BLNK: variants seen among roughly 807,000 people sequenced by gnomAD.
BLNK encodes the protein B-cell linker protein.
In BLNK, 29 loss-of-function variants were observed where a neutral mutation model predicts 73.5. That is an observed-to-expected ratio of 0.39 (90% CI 0.29 to 0.54). The LOEUF is 0.54. Ranked by LOEUF, BLNK falls within the 20% of genes least tolerant of loss-of-function variation. The pLI is 0.61. For missense variants in BLNK, 460 were observed against 562.8 expected (o/e 0.82, Z 1.85); for synonymous variants, 176 against 200.8 (o/e 0.88, Z 1.04).
intron 3 of BLNK, among the ~76,000 whole-genome samples, chr10:96,239,496 T>C (rs1842814821): frequency 1.3e-5 from 2 of 152,190 alleles, no homozygotes; most frequent in Admixed American, 1.3e-4. Flanking sequence ...TTAAAGAGAA[T>C]TTTATTTCAG....
chr10:96,253,896 C>CT (rs1843396142), intron 1 of BLNK, among the ~76,000 whole-genome samples: 1 of 152,128 alleles, frequency 6.6e-6, no homozygotes, highest in South Asian at 2.1e-4. Context: ...TGGCGGGCGC[C>CT]TGTAGTCCCA....
At chr10:96,226,626 A>G (rs1453981036) in intron 5 of BLNK, among the ~76,000 whole-genome samples, 1 of 152,104 alleles carries the variant, frequency 6.6e-6, no homozygotes, top group Non-Finnish European at 1.5e-5. Flanking sequence ...GTATCACTTG[A>G]GGTCAGGAGT....
Position 96,201,740 on chromosome 10 carries a change from ATTCATT to A in BLNK, c.935-688_935-683del, listed in dbSNP as rs1564814959. 2.7e-3 allele frequency among the ~76,000 whole-genome samples: 407 copies of A among 148,180 alleles called. 2 individuals are homozygous for A. Among genetic ancestry groups the A allele is most frequent in the African/African-American group, 8.6e-3 (328 of 38,316 alleles). The stretch of plus-strand genomic sequence containing the variant: ...TGAAATACGAAAAAGACTTATCTGC[ATTCATT>A]CATTCATTCATTCATTCATTCATTC... On this transcript the variant is annotated intron_variant, in intron 13 of 16. Transcript: ENST00000224337.
chr10:96,226,329 C>G (rs1842257194), intron 5 of BLNK, among the ~76,000 whole-genome samples: 1 of 152,164 alleles, frequency 6.6e-6, no homozygotes, highest in Admixed American at 6.5e-5. Flanking sequence ...CTGTGGCAAC[C>G]CAGTAAGCCC....
chr10:96,224,297 C>G (rs1427044697), intron 5 of BLNK, among the ~76,000 whole-genome samples: 1 of 152,210 alleles, frequency 6.6e-6, no homozygotes, highest in Non-Finnish European at 1.5e-5. Flanking sequence ...GGAAGCAGCA[C>G]TGGAGGGCAC....
chr10:96,226,473 A>G (rs1842266370), intron 5 of BLNK, among the ~76,000 whole-genome samples: 1 of 152,198 alleles, frequency 6.6e-6, no homozygotes, highest in Admixed American at 6.5e-5. Flanking sequence ...CATGACCATC[A>G]CAGACATACT....
chr10:96,229,730 G>A (rs1400651320), intron 4 of BLNK, among the ~76,000 whole-genome samples: 1 of 151,856 alleles, frequency 6.6e-6, no homozygotes, highest in Non-Finnish European at 1.5e-5. Context: ...GGGCGCAGCT[G>A]CAGTGCATCT....
rs1460144609 is a variant in BLNK at position 96,206,913 on chromosome 10, C to T, written c.817+98G>A. 2.3e-6 allele frequency: 3 copies of T among 1,316,706 alleles called. No homozygotes were observed. In the African/African-American group the frequency reaches 4.4e-5, roughly 19 times the overall value. The allele number at this position is 1,316,706 out of a possible 1,614,324, so 81.6% of individuals were successfully genotyped here. ...TTTAGAAAATTGAGTTTCATGTTTA[C>T]AATTGCCCCAAAAATAATGTAATAA... On this transcript the variant is annotated intron_variant, in intron 11 of 16. Transcript: ENST00000224337.
chr10:96,216,479 G>A (rs2084068363), intron 7 of BLNK, 174 bp downstream of exon 7: 3 of 665,470 alleles, frequency 4.5e-6, no homozygotes, highest in Non-Finnish European at 8.2e-6. Flanking sequence ...ACACAGAGAT[G>A]GGTTGTCACT....
In BLNK at chr10:96,247,013, A is replaced by T; in HGVS notation, c.84T>A (p.Asn28Lys). Residue 28 changes from asparagine to lysine, a missense_variant, in exon 2 of 17, where the codon AAT becomes AAA. Asn to Lys is a moderately conservative substitution (Grantham distance 94, BLOSUM62 0). This residue lies in a region of BLNK where 139 missense variants were observed against 187.3 expected (regional missense o/e 0.74). Transcript: ENST00000224337. ...LQKMVHDIKNNEGGIMNKIKK... is the reference protein window; with the variant it reads ...LQKMVHDIKNKEGGIMNKIKK... ...TGATTTTATTCATTATTCCACCTTC[A>T]TTGTTTTTAATATCATGGACCATCT... 6.2e-7 allele frequency: 1 copy of T among 1,608,018 alleles called. No individual in the cohort carries two copies. The highest frequency in any genetic ancestry group is 8.5e-7 in the Non-Finnish European group (1 of 1,176,392).
chr10:96,225,846 T>C (rs963829507), intron 5 of BLNK, among the ~76,000 whole-genome samples: 4 of 152,132 alleles, frequency 2.6e-5, no homozygotes, highest in African/African-American at 9.7e-5. Context: ...GGTTCTGCCA[T>C]GTTGGCCAGG....
intron 1 of BLNK, among the ~76,000 whole-genome samples, chr10:96,269,987 C>G (rs1293457134): frequency 6.6e-6 from 1 of 152,184 alleles, no homozygotes; most frequent in Non-Finnish European, 1.5e-5. Flanking sequence ...TATGAAACCT[C>G]CTCCTGCTAC....
chr10:96,222,536 G>A (rs1477828180), intron 6 of BLNK, among the ~76,000 whole-genome samples: 2 of 152,164 alleles, frequency 1.3e-5, no homozygotes, highest in African/African-American at 2.4e-5. Context: ...ACAACACAAA[G>A]GGCTAGGTGC....
At chr10:96,259,927 A>T (rs1843682402) in intron 1 of BLNK, among the ~76,000 whole-genome samples, 1 of 152,050 alleles carries the variant, frequency 6.6e-6, no homozygotes, top group South Asian at 2.1e-4. Flanking sequence ...GATGGCAAGG[A>T]AATGATGCTA....
intron 16 of BLNK, 53 bp downstream of exon 16, chr10:96,196,855 T>C (rs2083479957): frequency 1.3e-6 from 2 of 1,551,164 alleles, no homozygotes; most frequent in Admixed American, 3.3e-5. Flanking sequence ...GTATTTGATG[T>C]CATTATACTC....
At chr10:96,243,761 T>C (rs1308237289) in intron 2 of BLNK, among the ~76,000 whole-genome samples, 6 of 152,232 alleles carry the variant, frequency 3.9e-5, no homozygotes, top group Admixed American at 6.5e-5. Flanking sequence ...TTTAGAAAAC[T>C]ATTCCAAGTT....
chr10:96,203,909 C>A, intron 13 of BLNK, 148 bp downstream of exon 13: 1 of 574,780 alleles, frequency 1.7e-6, no homozygotes. Flanking sequence ...ATTCTTGGCC[C>A]CATTTTACAG....
Position 96,204,532 on chromosome 10 carries a change from T to C in BLNK, c.902A>G (p.Lys301Arg). The change falls in exon 12 of 17, where the codon AAA (lysine) becomes AGA (arginine). Residue 301 changes from lysine to arginine, a missense_variant and splice_region_variant. Lys to Arg is a conservative substitution (Grantham distance 26). Transcript: ENST00000224337. Reference protein sequence around the residue: ...VQSPVFPPAQKQIHQKPIPLP... With the variant: ...VQSPVFPPAQRQIHQKPIPLP... The stretch of plus-strand genomic sequence containing the variant: ...GATCTTTAAAGGAAAGGATTCTTAC[T>C]TCTGGGCAGGAGGAAACACTGGTGA... 6.2e-7 allele frequency: 1 copy of C among 1,613,976 alleles called. No individual in the cohort carries two copies. Among genetic ancestry groups the C allele is most frequent in the Non-Finnish European group, 8.5e-7 (1 of 1,179,842 alleles).
chr10:96,227,637 G>C lies in BLNK; in HGVS notation c.205-71C>G, dbSNP rs1381774417. 3 of 1,604,388 alleles carry C rather than the reference G, an allele frequency of 1.9e-6. No individual in the cohort carries two copies. In the African/African-American group the frequency reaches 4.0e-5, roughly 21 times the overall value. ...CTGCCTGGCCGTCAGGACCATTCCT[G>C]CCTTGGGAGGCCAGAGCAGTGACAG... On this transcript the variant is annotated intron_variant, in intron 4 of 16. Transcript: ENST00000224337.
Sources: allele counts gnomAD v4.1 joint callset (sites outside exome capture counted in the v4.1 genomes callset), GRCh38; gene constraint gnomAD v4.1.1; regional missense constraint gnomAD v4.1.1; transcripts MANE v1.5; gene names NCBI Gene and HGNC (gene_info 2026-07-23, HGNC 2026-07-21).